The following CAMTA1 variants were observed in gnomAD, a reference collection of about 807,000 sequenced individuals.
CAMTA1 encodes calmodulin-binding transcription activator 1.
Under a neutral mutation model 170.9 loss-of-function variants are expected in CAMTA1, and 27 were observed. The observed-to-expected ratio is 0.16, with a 90% CI of 0.12 to 0.22. The LOEUF is 0.22. Among genes scored for constraint, CAMTA1 ranks in the 10% least tolerant of loss-of-function variants. The probability of loss-of-function intolerance (pLI) is 1.00; values close to 1 mark genes in which losing one functional copy is unlikely to be tolerated. For missense variants in CAMTA1, 1,619 were observed against 2,217.2 expected, an observed-to-expected ratio of 0.73 and a Z score of 5.42; for synonymous variants, 833 against 891.5, an observed-to-expected ratio of 0.93 and a Z score of 1.17.
chr1:6,826,896 G>GA (rs745554302), intron 3 of CAMTA1, among the ~76,000 whole-genome samples: 5 of 152,140 alleles, frequency 3.3e-5, no homozygotes, highest in African/African-American at 1.2e-4. Flanking sequence ...AAAACTTTTT[G>GA]AAACTTTTCA....
At chr1:7,749,636 G>T in intron 19 of CAMTA1, 1 of 339,656 alleles carries the variant, frequency 2.9e-6, no homozygotes, top group Non-Finnish European at 5.8e-6. Context: ...AAATATTTTG[G>T]AAGATGGAAG....
At chr1:7,256,674 C>A (rs1193479513) in intron 5 of CAMTA1, among the ~76,000 whole-genome samples, 1 of 152,218 alleles carries the variant, frequency 6.6e-6, no homozygotes, top group African/African-American at 2.4e-5. Context: ...TTAGCCACAT[C>A]TAGTTGCTAT....
In CAMTA1 at chr1:7,682,411, G is replaced by A. The variant is rs2149325814; in HGVS notation, c.2914+4678G>A. Among the ~76,000 whole-genome samples, 1 of 152,372 alleles carries A rather than the reference G, an allele frequency of 6.6e-6. No homozygotes were observed. The highest frequency in any genetic ancestry group is 2.4e-5 in the African/African-American group (1 of 41,604). ...CTCCTGTCTAAGCAAGTGGAGAGAA[G>A]GAAAGGCCTCTTGGTTTGGCCTTCT... On this transcript the variant is annotated intron_variant, in intron 11 of 22. Coordinates refer to ENST00000303635, the MANE Select transcript of CAMTA1 (RefSeq NM_015215.4). The surrounding 1 kb of genome is among the most constrained non-coding windows in gnomAD (Gnocchi z 5.0).
intron 5 of CAMTA1, among the ~76,000 whole-genome samples, chr1:7,375,701 G>A (rs2086792897): frequency 6.6e-6 from 1 of 152,256 alleles, no homozygotes; most frequent in Non-Finnish European, 1.5e-5. Flanking sequence ...GCTGGAGGAT[G>A]GCAGTAAATA....
At position 7,426,792 on chromosome 1, in the gene CAMTA1, G is replaced by A. The variant is rs375592220; in HGVS notation, c.439-41038G>A. On this transcript the variant is annotated intron_variant, in intron 5 of 22. Coordinates refer to ENST00000303635, the MANE Select transcript of CAMTA1 (RefSeq NM_015215.4). This position sits in a 1 kb window ranked among gnomAD's most constrained non-coding sequence, Gnocchi z 4.8. ...CTGGTTGCAGCATATTAGCTTGCAC[G>A]TGACTTAAAAATAATGGCTTTCGTA... Among the ~76,000 whole-genome samples, 66 of 152,316 alleles carry A rather than the reference G, an allele frequency of 4.3e-4. No individual in the cohort carries two copies. The highest frequency in any genetic ancestry group is 3.4e-3 in the Middle Eastern group (1 of 294).
At chr1:7,568,617 A>C (rs1188092068) in intron 6 of CAMTA1, among the ~76,000 whole-genome samples, 1 of 149,070 alleles carries the variant, frequency 6.7e-6, no homozygotes, top group Non-Finnish European at 1.5e-5. Flanking sequence ...CACCATCATC[A>C]TCACCATCAC....
chr1:7,207,295 C>G (rs896280026), intron 4 of CAMTA1, among the ~76,000 whole-genome samples: 1 of 152,134 alleles, frequency 6.6e-6, no homozygotes, highest in South Asian at 2.1e-4. Flanking sequence ...TAGGTGATAT[C>G]GCTGGATAAC....
At chr1:6,988,659 G>A (rs1343244629) in intron 3 of CAMTA1, among the ~76,000 whole-genome samples, 6 of 151,714 alleles carry the variant, frequency 4.0e-5, no homozygotes, top group Non-Finnish European at 4.4e-5. Flanking sequence ...TTGCTTTGTC[G>A]GAAATGAGCA....
At chr1:6,825,310 A>T (rs573310322) in intron 3 of CAMTA1, 100 bp downstream of exon 3, 3 of 625,828 alleles carry the variant, frequency 4.8e-6, no homozygotes, top group Admixed American at 3.0e-5. Context: ...AATTTAAAAT[A>T]CTGATCTAGG....
At position 7,660,309 on chromosome 1, in the gene CAMTA1, C is replaced by T. The variant is rs375782204; in HGVS notation, c.665-1417C>T. On this transcript the variant is annotated intron_variant, in intron 7 of 22. Coordinates refer to ENST00000303635, the MANE Select transcript of CAMTA1 (RefSeq NM_015215.4). Reference sequence around the variant, plus strand: ...CTCAAACTCCTGACCTCAGGTGATCCGCCCACTTTGGCCTTCCAAAGTATT... The same window carrying T: ...CTCAAACTCCTGACCTCAGGTGATCTGCCCACTTTGGCCTTCCAAAGTATT... 7.0e-4 allele frequency among the ~76,000 whole-genome samples: 107 copies of T among 152,306 alleles called. 1 individual carries two copies. The highest frequency in any genetic ancestry group is 3.4e-3 in the Middle Eastern group (1 of 294).
chr1:7,684,605 CGT>C (rs1186942787), intron 11 of CAMTA1, among the ~76,000 whole-genome samples: 1 of 152,206 alleles, frequency 6.6e-6, no homozygotes, highest in Non-Finnish European at 1.5e-5. Context: ...CCTCCCTCTG[CGT>C]GTGTCTGTGT....
At chr1:7,497,008 C>CGA in intron 6 of CAMTA1, among the ~76,000 whole-genome samples, 1 of 108,050 alleles carries the variant, frequency 9.3e-6, no homozygotes, top group East Asian at 3.6e-4. Context: ...CCACGGTCCA[C>CGA]CCCAGGGGAC....
intron 11 of CAMTA1, among the ~76,000 whole-genome samples, chr1:7,703,011 G>C (rs1270291393): frequency 6.6e-6 from 1 of 152,158 alleles, no homozygotes; most frequent in African/African-American, 2.4e-5. Flanking sequence ...AGCTAGCAAC[G>C]AGCCCACTCT....
intron 3 of CAMTA1, among the ~76,000 whole-genome samples, chr1:7,021,584 G>A (rs574814945): frequency 3.3e-5 from 5 of 152,236 alleles, no homozygotes; most frequent in Admixed American, 2.0e-4. Flanking sequence ...CAGTGAGCAC[G>A]GGCAGGAGGG....
chr1:6,880,978 A>AT (rs998541628), intron 3 of CAMTA1, among the ~76,000 whole-genome samples: 1 of 152,206 alleles, frequency 6.6e-6, no homozygotes, highest in African/African-American at 2.4e-5. Context: ...GTGCTTATAT[A>AT]TGCCAATTAC....
chr1:7,763,075 T>G (rs1226528529), intron 22 of CAMTA1, among the ~76,000 whole-genome samples: 1 of 152,248 alleles, frequency 6.6e-6, no homozygotes, highest in Non-Finnish European at 1.5e-5. Flanking sequence ...CTCAATTCCC[T>G]GTTCTGCCAT....
rs927649386 is a variant in CAMTA1, at chr1:7,146,979, A to G, written c.302+55608A>G. 6.6e-6 allele frequency among the ~76,000 whole-genome samples: 1 copy of G among 151,876 alleles called. No individual in the cohort carries two copies. The highest frequency in any genetic ancestry group is 2.4e-5 in the African/African-American group (1 of 41,352). The stretch of plus-strand genomic sequence containing the variant: ...TCAAACATATGCCGTGCACACACAC[A>G]GAAAGTTACAGCACGCACACACGCA... On this transcript the variant is annotated intron_variant, in intron 4 of 22. Coordinates refer to ENST00000303635, the MANE Select transcript of CAMTA1 (RefSeq NM_015215.4). The surrounding 1 kb of genome is among the most constrained non-coding windows in gnomAD (Gnocchi z 4.3).
chr1:6,998,551 G>T (rs570292421), intron 3 of CAMTA1, among the ~76,000 whole-genome samples: 1 of 152,268 alleles, frequency 6.6e-6, no homozygotes, highest in South Asian at 2.1e-4. Context: ...AGGGAGACCT[G>T]CCCTCAAGGT....
At chr1:7,438,741 A>G (rs1194191317) in intron 5 of CAMTA1, among the ~76,000 whole-genome samples, 1 of 152,144 alleles carries the variant, frequency 6.6e-6, no homozygotes, top group African/African-American at 2.4e-5. Flanking sequence ...TTAGAACTCA[A>G]AGGGCCTCGA....
Sources: gnomAD v4.1 joint callset for allele counts (sites outside exome capture counted in the v4.1 genomes callset) on GRCh38, gnomAD v4.1.1 for gene constraint, Gnocchi (gnomAD v3.1) non-coding constraint, MANE v1.5 for transcripts, NCBI Gene and HGNC (gene_info 2026-07-23, HGNC 2026-07-21) for gene names.